The following NDST4 variants were observed in gnomAD, a reference collection of about 807,000 sequenced individuals.
The protein encoded by NDST4 is N-deacetylase and N-sulfotransferase 4, also known as N-heparan sulfate sulfotransferase 4.
In NDST4, 63 loss-of-function variants were observed where a neutral mutation model predicts 100.8. That is an observed-to-expected ratio of 0.62 (90% CI 0.51 to 0.77). The LOEUF is 0.77. NDST4 is among the 30% of genes least tolerant of loss of function. The pLI, the probability that NDST4 is intolerant of heterozygous loss-of-function variation, is 0.00. For missense variants in NDST4, 943 were observed against 1,018.4 expected (o/e 0.93, Z 1.01); for synonymous variants, 377 against 361.8 (o/e 1.04, Z -0.48).
intron 2 of NDST4, among the ~76,000 whole-genome samples, chr4:115,066,742 G>T (rs577548272): frequency 6.6e-6 from 1 of 152,120 alleles, no homozygotes; most frequent in Non-Finnish European, 1.5e-5. Flanking sequence ...AAGATTTCAT[G>T]ATGTTCTAAA....
At chr4:115,067,914 C>T (rs1278552224) in intron 2 of NDST4, among the ~76,000 whole-genome samples, 1 of 129,338 alleles carries the variant, frequency 7.7e-6, no homozygotes, top group Admixed American at 8.9e-5. Flanking sequence ...CCACGACAGG[C>T]CCCAGTGTGT....
At position 115,035,623 on chromosome 4, in the gene NDST4, C is replaced by T. The variant is rs112297068; in HGVS notation, c.978+40436G>A. 5.9e-3 allele frequency among the ~76,000 whole-genome samples: 901 copies of T among 152,168 alleles called. 13 individuals carry two copies. Among genetic ancestry groups the T allele is most frequent in the African/African-American group, 0.02 (845 of 41,566 alleles). On this transcript the variant is annotated intron_variant, in intron 2 of 13. Coordinates refer to ENST00000264363, the MANE Select transcript of NDST4 (RefSeq NM_022569.3). ...AAAATACATGCTGTGTTATTTAAAA[C>T]ATAGCGACATGTTTTTAGTTTTAAG... is the stretch of plus-strand genomic sequence containing the variant.
chr4:114,885,466 T>G (rs1373070043), intron 6 of NDST4, among the ~76,000 whole-genome samples: 1 of 152,142 alleles, frequency 6.6e-6, no homozygotes, highest in African/African-American at 2.4e-5. Flanking sequence ...GCATTAATTT[T>G]AATAATGACA....
intron 1 of NDST4, among the ~76,000 whole-genome samples, chr4:115,081,097 A>C (rs565566677): frequency 2.2e-5 from 3 of 138,514 alleles, no homozygotes; most frequent in African/African-American, 9.1e-5. Context: ...TGAAAAATAA[A>C]TTAAAAAAAA....
At chr4:114,861,275 C>T (rs931611230) in intron 7 of NDST4, among the ~76,000 whole-genome samples, 1 of 152,140 alleles carries the variant, frequency 6.6e-6, no homozygotes, top group Non-Finnish European at 1.5e-5. Context: ...GTGCATTAAG[C>T]AATTTTCCTA....
chr4:114,908,653 T>C (rs1186209267), intron 6 of NDST4, among the ~76,000 whole-genome samples: 1 of 152,298 alleles, frequency 6.6e-6, no homozygotes, highest in Non-Finnish European at 1.5e-5. Context: ...TTTTTGGTTA[T>C]AAAAGGTTAA....
intron 2 of NDST4, among the ~76,000 whole-genome samples, chr4:115,002,613 T>G (rs1245306897): frequency 3.3e-5 from 5 of 152,172 alleles, no homozygotes; most frequent in African/African-American, 1.2e-4. Context: ...TTCTTCTAGT[T>G]TTTATGGTTT....
At chr4:115,027,772 G>A (rs534623409) in intron 2 of NDST4, among the ~76,000 whole-genome samples, 175 of 152,086 alleles carry the variant, frequency 1.2e-3, no homozygotes, top group Middle Eastern at 3.4e-3. Context: ...AGAGTTTCAC[G>A]GCCACGAGCT....
intron 6 of NDST4, among the ~76,000 whole-genome samples, chr4:114,873,745 C>T (rs1252683253): frequency 6.6e-6 from 1 of 151,968 alleles, no homozygotes; most frequent in African/African-American, 2.4e-5. Context: ...TATCTCATGT[C>T]ACTACTGTAA....
intron 6 of NDST4, among the ~76,000 whole-genome samples, chr4:114,909,669 C>CTAAAAAAAAA (rs1725024851): frequency 1.6e-5 from 1 of 61,684 alleles, no homozygotes; most frequent in African/African-American, 6.8e-5. Context: ...GACTCCGTCT[C>CTAAAAAAAAA]AAAAAAAAAA....
At chr4:115,113,210 T>TA (rs1378910870) in intron 1 of NDST4, among the ~76,000 whole-genome samples, 7 of 151,974 alleles carry the variant, frequency 4.6e-5, no homozygotes, top group African/African-American at 1.2e-4. Flanking sequence ...TCTTTTTTTT[T>TA]ATGTACGACT....
intron 2 of NDST4, among the ~76,000 whole-genome samples, chr4:114,986,832 A>ATATATATATATATTTTTTTTTTTTTT: frequency 1.1e-5 from 1 of 94,664 alleles, no homozygotes; most frequent in Non-Finnish European, 2.2e-5. Flanking sequence ...ATATATATAT[A>ATATATATATATATTTTTTTTTTTTTT]TTTTAATATA....
intron 6 of NDST4, among the ~76,000 whole-genome samples, chr4:114,919,847 G>C (rs1254890435): frequency 6.6e-6 from 1 of 152,186 alleles, no homozygotes; most frequent in Non-Finnish European, 1.5e-5. Flanking sequence ...TGCAGAGATG[G>C]AGAGAAAATA....
chr4:115,033,269 G>A (rs1473740731), intron 2 of NDST4, among the ~76,000 whole-genome samples: 1 of 149,424 alleles, frequency 6.7e-6, no homozygotes, highest in Non-Finnish European at 1.5e-5. Context: ...TCAGCCTCCC[G>A]AGTAGCGAGG....
At chr4:115,063,143 TATTA>T (rs1176215273) in intron 2 of NDST4, among the ~76,000 whole-genome samples, 2 of 151,994 alleles carry the variant, frequency 1.3e-5, no homozygotes, top group Non-Finnish European at 2.9e-5. Context: ...CTGTTCTTAT[TATTA>T]TCTTTTAAGT....
intron 1 of NDST4, among the ~76,000 whole-genome samples, chr4:115,097,746 C>T (rs1452979563): frequency 6.6e-6 from 1 of 152,044 alleles, no homozygotes; most frequent in Non-Finnish European, 1.5e-5. Flanking sequence ...CAAAATCGGC[C>T]CTAATTTTAC....
chr4:115,029,212 G>C (rs1175526989), intron 2 of NDST4, among the ~76,000 whole-genome samples: 1 of 152,018 alleles, frequency 6.6e-6, no homozygotes, highest in Non-Finnish European at 1.5e-5. Flanking sequence ...AGGGATGTGA[G>C]GTCAAAGAAG....
At chr4:114,922,545 A>T (rs2126219608) in intron 6 of NDST4, among the ~76,000 whole-genome samples, 1 of 152,236 alleles carries the variant, frequency 6.6e-6, no homozygotes, top group South Asian at 2.1e-4. Flanking sequence ...AGTGTAATTT[A>T]CTTCCTTTTG....
At chr4:114,837,429 G>A (rs896601793) in intron 11 of NDST4, among the ~76,000 whole-genome samples, 1 of 151,898 alleles carries the variant, frequency 6.6e-6, no homozygotes, top group African/African-American at 2.4e-5. Flanking sequence ...TCAAACTATA[G>A]TACAAGGCTA....
Sources: gnomAD v4.1 joint callset for allele counts (sites outside exome capture counted in the v4.1 genomes callset) on GRCh38, gnomAD v4.1.1 for gene constraint, MANE v1.5 for transcripts, NCBI Gene and HGNC (gene_info 2026-07-23, HGNC 2026-07-21) for gene names.